Variants in PCDHGA2 observed in about 807,000 individuals in gnomAD.
PCDHGA2 encodes the protein protocadherin gamma-A2.
Under a neutral mutation model 59.2 loss-of-function variants are expected in PCDHGA2, and 40 were observed. The ratio of observed to expected loss-of-function variants is 0.68; its 90% confidence interval spans 0.52 to 0.88. The LOEUF (loss-of-function observed/expected upper bound fraction) is 0.88. Ranked by LOEUF, PCDHGA2 falls within the 40% of genes least tolerant of loss-of-function variation. The probability of loss-of-function intolerance (pLI) is 0.00; values close to 1 mark genes in which losing one functional copy is unlikely to be tolerated. For missense variants in PCDHGA2, 1,226 were observed against 1,204.0 expected (o/e 1.02, Z -0.27); for synonymous variants, 560 against 526.0 (o/e 1.06, Z -0.89).
intron 1 of PCDHGA2, chr5:141,399,894 C>T (rs201911174): frequency 1.9e-6 from 3 of 1,612,570 alleles, no homozygotes; most frequent in Non-Finnish European, 2.5e-6. Context: ...AGGTAGTGGC[C>T]GTGGACGCAG....
In PCDHGA2 at chr5:141,419,578, G is replaced by A. The variant is rs1339676992; in HGVS notation, c.2425-75229G>A. The A allele has an allele frequency of 1.9e-6, 3 of 1,611,604 alleles. No individual in the cohort carries two copies. In the Admixed American group the frequency reaches 5.0e-5, roughly 27 times the overall value. On this transcript the variant is annotated intron_variant, in intron 1 of 3. Transcript: ENST00000394576. ...CTGCGCTGGGTCCCGACGGCTCCGC[G>A]CTCTTCGACACAGTGCCGCGGGCCG...
intron 1 of PCDHGA2, chr5:141,371,832 G>T (rs765040359): frequency 6.2e-7 from 1 of 1,613,780 alleles, no homozygotes. Flanking sequence ...CTCGGATCCC[G>T]ACTTGGGACC....
At chr5:141,461,817 C>A (rs2099023873) in intron 1 of PCDHGA2, among the ~76,000 whole-genome samples, 1 of 150,844 alleles carries the variant, frequency 6.6e-6, no homozygotes, top group South Asian at 2.1e-4. Flanking sequence ...CCACACCCAG[C>A]TAATTTTTTT....
rs749121255 is a variant in PCDHGA2 at position 141,415,427 on chromosome 5, G to A, written c.2424+74032G>A. 3.1e-6 allele frequency: 5 copies of A among 1,614,050 alleles called. No homozygotes were observed. Among genetic ancestry groups the A allele is most frequent in the African/African-American group, 1.3e-5 (1 of 74,926 alleles). ...CACTTTGTGGGCGTGGACGGGGTTC[G>A]GGCTTTCCTGCAGACCTATTCCCAC... is the stretch of plus-strand genomic sequence containing the variant. On this transcript the variant is annotated intron_variant, in intron 1 of 3. Transcript: ENST00000394576.
chr5:141,392,878 C>G, intron 1 of PCDHGA2: 2 of 1,613,474 alleles, frequency 1.2e-6, no homozygotes, highest in Non-Finnish European at 1.7e-6. Context: ...CTGCTGGGAA[C>G]GCTGTGGGAA....
At chr5:141,352,247 A>C in intron 1 of PCDHGA2, 1 of 1,614,076 alleles carries the variant, frequency 6.2e-7, no homozygotes, top group Non-Finnish European at 8.5e-7. Context: ...CTTCGCGGAT[A>C]GCCTGCAAGA....
chr5:141,357,485 A>C (rs1348753984), intron 1 of PCDHGA2: 9 of 1,614,044 alleles, frequency 5.6e-6, no homozygotes, highest in Non-Finnish European at 7.6e-6. Flanking sequence ...CTCACCGCGG[A>C]CTCGCGGAAG....
chr5:141,493,440 G>A lies in PCDHGA2; in HGVS notation c.2425-1367G>A, dbSNP rs2099748297. The stretch of plus-strand genomic sequence containing the variant: ...TTTTGCTTCTGCTGGGATGGGGCAA[G>A]GGTGGGGTTCCTTCCCTTTTAGGAC... On this transcript the variant is annotated intron_variant, in intron 1 of 3. Coordinates refer to ENST00000394576, the MANE Select transcript of PCDHGA2 (RefSeq NM_018915.4). The surrounding 1 kb of genome is among the most constrained non-coding windows in gnomAD (Gnocchi z 4.3). Among the ~76,000 whole-genome samples, 1 of 152,208 alleles carries A rather than the reference G, an allele frequency of 6.6e-6. No homozygotes were observed. Among genetic ancestry groups the A allele is most frequent in the African/African-American group, 2.4e-5 (1 of 41,450 alleles).
intron 1 of PCDHGA2, chr5:141,388,238 C>G (rs546808390): frequency 3.7e-6 from 6 of 1,607,696 alleles, no homozygotes; most frequent in Non-Finnish European, 5.1e-6. Context: ...ACTTTTATCA[C>G]GTGAATGTGG....
chr5:141,499,731 C>T (rs2099794093), intron 2 of PCDHGA2, among the ~76,000 whole-genome samples: 1 of 138,132 alleles, frequency 7.2e-6, no homozygotes, highest in African/African-American at 2.7e-5. Context: ...GTCTCACTCT[C>T]TTGCCCAGGC....
intron 1 of PCDHGA2, among the ~76,000 whole-genome samples, chr5:141,439,530 C>T (rs1003383726): frequency 6.6e-6 from 1 of 152,180 alleles, no homozygotes; most frequent in Non-Finnish European, 1.5e-5. Flanking sequence ...CTCTACAGAA[C>T]GCTGTCCTCT....
chr5:141,449,936 T>C (rs1016569958), intron 1 of PCDHGA2, among the ~76,000 whole-genome samples: 4 of 151,978 alleles, frequency 2.6e-5, no homozygotes, highest in African/African-American at 9.6e-5. Context: ...CCTTATAGTA[T>C]ATTTTACTAT....
At chr5:141,413,432 G>A (rs1193674962) in intron 1 of PCDHGA2, 1 of 1,613,992 alleles carries the variant, frequency 6.2e-7, no homozygotes, top group African/African-American at 1.3e-5. Flanking sequence ...CCGCGCAGCG[G>A]CAGCTTGATC....
At chr5:141,344,071 T>C (rs1402188187) in intron 1 of PCDHGA2, 2 of 1,601,178 alleles carry the variant, frequency 1.2e-6, no homozygotes, top group Non-Finnish European at 1.7e-6. Context: ...GGCAGAGGAC[T>C]GGCCCTGCTG....
intron 1 of PCDHGA2, chr5:141,400,076 T>A: frequency 6.2e-7 from 1 of 1,613,932 alleles, no homozygotes; most frequent in Non-Finnish European, 8.5e-7. Context: ...CAGCCGCCAC[T>A]CTCCGCCACC....
At chr5:141,395,072 T>C in intron 1 of PCDHGA2, 1 of 1,614,148 alleles carries the variant, frequency 6.2e-7, no homozygotes, top group Non-Finnish European at 8.5e-7. Context: ...TGCAGACCTA[T>C]TCCCAGGAAG....
chr5:141,507,365 C>G (rs1279257057), intron 3 of PCDHGA2: 1 of 152,092 alleles, frequency 6.6e-6, no homozygotes, highest in African/African-American at 2.4e-5. Context: ...ACTGGGAGCC[C>G]TGTACTTTTA....
At chr5:141,497,354 A>G (rs1430368474) in intron 2 of PCDHGA2, among the ~76,000 whole-genome samples, 1 of 152,054 alleles carries the variant, frequency 6.6e-6, no homozygotes, top group Non-Finnish European at 1.5e-5. Flanking sequence ...AGCCCCACCA[A>G]CTGCCTCTCA....
In PCDHGA2 at chr5:141,380,718, C is replaced by T. The variant is rs1776684550; in HGVS notation, c.2424+39323C>T. Among the ~76,000 whole-genome samples the T allele has an allele frequency of 2.6e-5, 4 of 152,158 alleles. No homozygotes were observed. In the South Asian group the frequency reaches 8.3e-4, roughly 32 times the overall value. On this transcript the variant is annotated intron_variant, in intron 1 of 3. Transcript: ENST00000394576. ...GTAGTCTATAATTTAATTTAACTAG[C>T]TCTTATTTCCTTTTCTCCAAAGAAG...
Sources: gnomAD v4.1 joint callset for allele counts (sites outside exome capture counted in the v4.1 genomes callset) on GRCh38, gnomAD v4.1.1 for gene constraint, Gnocchi (gnomAD v3.1) non-coding constraint, MANE v1.5 for transcripts, NCBI Gene and HGNC (gene_info 2026-07-23, HGNC 2026-07-21) for gene names.